ZFHX3: variants seen among roughly 807,000 people sequenced by gnomAD.
ZFHX3 encodes the protein zinc finger homeobox protein 3.
In ZFHX3, 42 loss-of-function variants were observed where a neutral mutation model predicts 279.1. That is an observed-to-expected ratio of 0.15 (90% CI 0.12 to 0.19). The LOEUF is 0.19. Among genes scored for constraint, ZFHX3 ranks in the 10% least tolerant of loss-of-function variants. ZFHX3 has a pLI of 1.00. For missense variants in ZFHX3, 4,981 were observed against 4,754.0 expected, an observed-to-expected ratio of 1.05 and a Z score of -1.40; for synonymous variants, 2,293 against 1,957.8, an observed-to-expected ratio of 1.17 and a Z score of -4.52.
Position 72,783,113 on chromosome 16 carries a change from T to G in ZFHX3, c.*4051A>C, listed in dbSNP as rs933493171. 2 of 152,596 alleles carry G rather than the reference T, an allele frequency of 1.3e-5. No homozygotes were observed. Among genetic ancestry groups the G allele is most frequent in the Non-Finnish European group, 2.9e-5 (2 of 68,018 alleles). The allele number at this position is 152,596 out of a possible 1,614,324, so 9.5% of individuals were successfully genotyped here. ...AGCATTGTTACAGTAACAAAAAAGC[T>G]AACAAGACTACATTATAGAAAAACA... On this transcript the variant is annotated 3_prime_UTR_variant, in exon 10 of 10. Coordinates refer to ENST00000268489, the MANE Select transcript of ZFHX3 (RefSeq NM_006885.4).
chr16:73,483,799 G>A (rs1407595452), intron 2 of ZFHX3, among the ~76,000 whole-genome samples: 2 of 152,112 alleles, frequency 1.3e-5, no homozygotes, highest in African/African-American at 4.8e-5. Context: ...GGGAGGTGCT[G>A]TTCCCATTAG....
At chr16:73,629,331 C>G (rs2052447194) in intron 2 of ZFHX3, among the ~76,000 whole-genome samples, 1 of 151,976 alleles carries the variant, frequency 6.6e-6, no homozygotes, top group South Asian at 2.1e-4. Context: ...GCAGAGGAGT[C>G]TGACTCCAGC....
At chr16:73,185,285 C>G (rs187400055) in intron 5 of ZFHX3, among the ~76,000 whole-genome samples, 1 of 152,300 alleles carries the variant, frequency 6.6e-6, no homozygotes, top group East Asian at 1.9e-4. Flanking sequence ...TATATGCAGT[C>G]TCTTTTAAAA....
chr16:72,896,731 G>A (rs8063724), intron 3 of ZFHX3, among the ~76,000 whole-genome samples: 11,397 of 152,212 alleles, frequency 0.075, 567 homozygotes, highest in East Asian at 0.21. Context: ...AAATCTGGAG[G>A]GGCCCCAGCT....
At chr16:72,855,023 C>G in intron 4 of ZFHX3, among the ~76,000 whole-genome samples, 1 of 151,722 alleles carries the variant, frequency 6.6e-6, no homozygotes, top group East Asian at 1.9e-4. Flanking sequence ...GGGGAGATAG[C>G]AAAATACTCT....
At chr16:73,768,132 T>A (rs942261488) in intron 1 of ZFHX3, among the ~76,000 whole-genome samples, 2 of 152,162 alleles carry the variant, frequency 1.3e-5, no homozygotes, top group Non-Finnish European at 2.9e-5. Flanking sequence ...CACCCCAACC[T>A]TTCCCTCCTA....
chr16:73,808,665 A>G (rs1960348146), intron 1 of ZFHX3, among the ~76,000 whole-genome samples: 1 of 152,226 alleles, frequency 6.6e-6, no homozygotes, highest in Non-Finnish European at 1.5e-5. Flanking sequence ...AAAAGCTTGA[A>G]GCAGACACCC....
chr16:73,474,077 G>T (rs773109966), intron 2 of ZFHX3, among the ~76,000 whole-genome samples: 9 of 152,116 alleles, frequency 5.9e-5, no homozygotes, highest in Non-Finnish European at 1.3e-4. Context: ...AATGAAACAA[G>T]AGTTGGAAAC....
Position 73,164,082 on chromosome 16 carries a change from G to T in ZFHX3, c.-1103-20251C>A, listed in dbSNP as rs1967304983. 2.0e-5 allele frequency among the ~76,000 whole-genome samples: 3 copies of T among 152,096 alleles called. No homozygotes were observed. In the South Asian group the frequency reaches 6.2e-4, roughly 32 times the overall value. On this transcript the variant is annotated intron_variant, in intron 5 of 17. Transcript: ENST00000641206. ...TGCCGCAAGGTTCTGATTTTTATAG[G>T]GAGCCCACAGGAGAACTTGGCAATT...
chr16:73,276,408 A>C (rs982163272), intron 4 of ZFHX3, among the ~76,000 whole-genome samples: 3 of 151,916 alleles, frequency 2.0e-5, no homozygotes, highest in Non-Finnish European at 4.4e-5. Context: ...GGTTTTGAAC[A>C]CTTGGCCTCA....
intron 1 of ZFHX3, among the ~76,000 whole-genome samples, chr16:73,057,115 G>A (rs1965572431): frequency 6.6e-6 from 1 of 152,282 alleles, no homozygotes; most frequent in East Asian, 1.9e-4. Flanking sequence ...CTTAGATCAA[G>A]TTTCAATAAT....
At chr16:73,695,317 C>T (rs1184938121) in intron 1 of ZFHX3, among the ~76,000 whole-genome samples, 5 of 149,322 alleles carry the variant, frequency 3.3e-5, no homozygotes, top group South Asian at 2.1e-4. Context: ...CTCACTGCAA[C>T]CTCCACCTCC....
chr16:73,037,881 G>A (rs1273984808), intron 1 of ZFHX3, among the ~76,000 whole-genome samples: 3 of 151,520 alleles, frequency 2.0e-5, no homozygotes, highest in Admixed American at 2.0e-4. Flanking sequence ...AAAAGATAAA[G>A]TGAGACCAAC....
At chr16:72,989,251 G>C (rs959865250) in intron 1 of ZFHX3, among the ~76,000 whole-genome samples, 1 of 151,902 alleles carries the variant, frequency 6.6e-6, no homozygotes, top group Non-Finnish European at 1.5e-5. Context: ...TTGGGAGGCC[G>C]AAGCGGGTGG....
At chr16:73,314,123 T>C (rs1336266164) in intron 4 of ZFHX3, among the ~76,000 whole-genome samples, 2 of 152,062 alleles carry the variant, frequency 1.3e-5, no homozygotes, top group African/African-American at 4.8e-5. Flanking sequence ...CTGGTGAGCT[T>C]TGAGTAAGCA....
intron 2 of ZFHX3, among the ~76,000 whole-genome samples, chr16:73,564,473 G>A (rs2143795291): frequency 6.6e-6 from 1 of 152,286 alleles, no homozygotes; most frequent in East Asian, 1.9e-4. Context: ...AGCATCCTAA[G>A]ATGTAAGTTC....
intron 2 of ZFHX3, among the ~76,000 whole-genome samples, chr16:73,564,963 C>G (rs2143796100): frequency 6.6e-6 from 1 of 152,256 alleles, no homozygotes; most frequent in South Asian, 2.1e-4. Context: ...TAGTAAGAAA[C>G]AGTATGAGGC....
chr16:73,643,583 T>C (rs2142158217), intron 2 of ZFHX3, among the ~76,000 whole-genome samples: 1 of 152,352 alleles, frequency 6.6e-6, no homozygotes, highest in Admixed American at 6.5e-5. Flanking sequence ...TGAAGTTACC[T>C]TTTTCTCTCT....
intron 1 of ZFHX3, among the ~76,000 whole-genome samples, chr16:73,857,531 G>A (rs1051141596): frequency 4.6e-5 from 7 of 152,102 alleles, no homozygotes; most frequent in Non-Finnish European, 7.4e-5. Context: ...ATATAAAAGC[G>A]GGGAGGAGAG....
Sources: allele counts gnomAD v4.1 joint callset (sites outside exome capture counted in the v4.1 genomes callset), GRCh38; gene constraint gnomAD v4.1.1; transcripts MANE v1.5; gene names NCBI Gene and HGNC (gene_info 2026-07-23, HGNC 2026-07-21).